Variants in PLPPR5 observed in about 807,000 individuals in gnomAD.
PLPPR5 encodes the protein phospholipid phosphatase related 5.
Under a neutral mutation model 33.9 loss-of-function variants are expected in PLPPR5, and 16 were observed. The ratio of observed to expected loss-of-function variants is 0.47; its 90% CI spans 0.32 to 0.72. The LOEUF is 0.72. Ranked by LOEUF, PLPPR5 falls within the 30% of genes least tolerant of loss-of-function variation. The probability of loss-of-function intolerance (pLI) is 0.03; values close to 1 mark genes in which losing one functional copy is unlikely to be tolerated. For missense variants in PLPPR5, 301 were observed against 406.7 expected (o/e 0.74, Z 2.23); for synonymous variants, 163 against 150.3 (o/e 1.08, Z -0.62).
At chr1:98,958,398 T>C (rs975380221) in intron 1 of PLPPR5, among the ~76,000 whole-genome samples, 8 of 151,068 alleles carry the variant, frequency 5.3e-5, no homozygotes, top group Admixed American at 2.0e-4. Context: ...TTCCTCTTTC[T>C]TTTTTTAACT....
chr1:98,958,667 T>C (rs937941272), intron 1 of PLPPR5, among the ~76,000 whole-genome samples: 2 of 152,212 alleles, frequency 1.3e-5, no homozygotes, highest in African/African-American at 4.8e-5. Context: ...GTAGATGAAC[T>C]GTGTGTTTGA....
intron 2 of PLPPR5, among the ~76,000 whole-genome samples, chr1:98,955,687 AT>A (rs1650979689): frequency 6.6e-6 from 1 of 152,106 alleles, no homozygotes; most frequent in South Asian, 2.1e-4. Flanking sequence ...TCTATGCATA[AT>A]ATCTTCAAAG....
chr1:98,931,225 G>A (rs910145150), intron 3 of PLPPR5, among the ~76,000 whole-genome samples: 1 of 152,086 alleles, frequency 6.6e-6, no homozygotes, highest in Non-Finnish European at 1.5e-5. Context: ...ATATGGGATA[G>A]GAATATCCTT....
chr1:98,971,663 G>A (rs1041087046), intron 1 of PLPPR5, among the ~76,000 whole-genome samples: 2 of 151,958 alleles, frequency 1.3e-5, no homozygotes, highest in Non-Finnish European at 2.9e-5. Context: ...CTAAAATATT[G>A]AGAGTCATCA....
rs149759837 is a variant in PLPPR5 at position 98,981,354 on chromosome 1, C to G, written c.237+23081G>C. Among the ~76,000 whole-genome samples, 600 of 152,166 alleles carry G rather than the reference C, an allele frequency of 3.9e-3. 3 individuals carry two copies. The highest frequency in any genetic ancestry group is 0.014 in the African/African-American group (569 of 41,526). The stretch of plus-strand genomic sequence containing the variant: ...ACCTAGCTACCTCTGTGCTATACAC[C>G]TTCCCAGTCTAGGCATTGTTGTAGT... On this transcript the variant is annotated intron_variant, in intron 1 of 5. Coordinates refer to ENST00000263177, the MANE Select transcript of PLPPR5 (RefSeq NM_001037317.2).
Position 98,956,712 on chromosome 1 carries a change from G to A in PLPPR5, c.267C>T (p.Cys89=), listed in dbSNP as rs1651023301. 2 of 1,574,174 alleles carry A rather than the reference G, an allele frequency of 1.3e-6. No homozygotes were observed. Among genetic ancestry groups the A allele is most frequent in the South Asian group, 1.2e-5 (1 of 82,732 alleles). ...CAAAATCCCTTGTGGCTAGTTGTAG[G>A]CAAAAGACAGCAGTTTCTCCAACTA... ...VIIVGETAVF[C]LQLATRDFEN... Residue 89 remains cysteine, a synonymous_variant, in exon 2 of 6, where the codon TGC becomes TGT. Transcript: ENST00000263177.
chr1:98,899,828 G>A (rs1218073395), intron 5 of PLPPR5, among the ~76,000 whole-genome samples: 3 of 151,688 alleles, frequency 2.0e-5, no homozygotes, highest in Non-Finnish European at 4.4e-5. Flanking sequence ...CCAGCTAATT[G>A]TTTGTTTCAC....
chr1:98,929,864 C>T (rs1320156948), intron 3 of PLPPR5, among the ~76,000 whole-genome samples: 2 of 152,158 alleles, frequency 1.3e-5, no homozygotes, highest in Non-Finnish European at 2.9e-5. Flanking sequence ...ACATATTCAC[C>T]ACTTAACATT....
intron 1 of PLPPR5, among the ~76,000 whole-genome samples, chr1:98,957,488 T>C (rs980584054): frequency 6.6e-6 from 1 of 152,024 alleles, no homozygotes; most frequent in African/African-American, 2.4e-5. Flanking sequence ...CCATGTTTTA[T>C]TTTTTTAAGT....
At chr1:98,996,665 C>A (rs1367635990) in intron 1 of PLPPR5, among the ~76,000 whole-genome samples, 1 of 152,086 alleles carries the variant, frequency 6.6e-6, no homozygotes, top group Non-Finnish European at 1.5e-5. Flanking sequence ...TCAGAACTTA[C>A]CTTCTCAACC....
chr1:98,914,309 G>A (rs964808501), intron 5 of PLPPR5, among the ~76,000 whole-genome samples: 3 of 152,000 alleles, frequency 2.0e-5, no homozygotes, highest in Admixed American at 6.6e-5. Context: ...TTTTTGATAC[G>A]GAGTCTCACT....
At chr1:98,896,844 A>T (rs1234736870) in intron 5 of PLPPR5, among the ~76,000 whole-genome samples, 6 of 103,270 alleles carry the variant, frequency 5.8e-5, no homozygotes, top group South Asian at 2.7e-4. Context: ...CTGTAATTTA[A>T]AAAAAAAATG....
At chr1:99,004,269 C>A in intron 1 of PLPPR5, 166 bp downstream of exon 1, 1 of 609,086 alleles carries the variant, frequency 1.6e-6, no homozygotes, top group East Asian at 3.1e-5. Context: ...CCTTCGCACC[C>A]ACCCTCACGC....
In PLPPR5 at chr1:98,986,073, G is replaced by C. The variant is rs192594057; in HGVS notation, c.237+18362C>G. On this transcript the variant is annotated intron_variant, in intron 1 of 5. Transcript: ENST00000263177. ...AAAGTTTACAAATGCACTTGTCACC[G>C]TTTCAAAAATATTTTTTCAGTAACT... 2.6e-5 allele frequency among the ~76,000 whole-genome samples: 4 copies of C among 151,984 alleles called. No individual in the cohort carries two copies. The East Asian group carries it at 7.8e-4, about 29-fold the overall frequency.
chr1:98,922,097 T>C (rs1271066946), intron 3 of PLPPR5, 39 bp from the exon 4 acceptor site: 1 of 1,569,970 alleles, frequency 6.4e-7, no homozygotes, highest in Admixed American at 1.7e-5. Context: ...TTCATGAAGG[T>C]ATTTCCTTTA....
At chr1:98,906,040 CTCTT>C (rs1370733512) in intron 5 of PLPPR5, among the ~76,000 whole-genome samples, 6 of 151,838 alleles carry the variant, frequency 4.0e-5, no homozygotes, top group African/African-American at 7.3e-5. Flanking sequence ...AGGTAAACAA[CTCTT>C]TCTGTCATTG....
intron 1 of PLPPR5, among the ~76,000 whole-genome samples, chr1:98,968,912 C>T (rs1651548581): frequency 2.0e-5 from 3 of 152,016 alleles, no homozygotes; most frequent in Admixed American, 6.6e-5. Context: ...TGGAGTTCAA[C>T]TTGACATTAT....
At position 99,001,583 on chromosome 1, in the gene PLPPR5, G is replaced by T. The variant is rs184839888; in HGVS notation, c.237+2852C>A. Among the ~76,000 whole-genome samples, 571 of 149,400 alleles carry T rather than the reference G, an allele frequency of 3.8e-3. 3 individuals carry two copies. Among genetic ancestry groups the T allele is most frequent in the African/African-American group, 0.013 (540 of 40,676 alleles). ...ATTTTTACATAAATGAATTTAGCAA[G>T]TATGAAACAAATCTGTAGACTGTGG... On this transcript the variant is annotated intron_variant, in intron 1 of 5. Transcript: ENST00000263177.
chr1:98,895,444 T>C (rs754577559), intron 5 of PLPPR5, among the ~76,000 whole-genome samples: 17 of 151,996 alleles, frequency 1.1e-4, no homozygotes, highest in Non-Finnish European at 2.2e-4. Context: ...TAAGAAACCT[T>C]AATAATGAGG....
Sources: allele counts gnomAD v4.1 joint callset (sites outside exome capture counted in the v4.1 genomes callset), GRCh38; gene constraint gnomAD v4.1.1; transcripts MANE v1.5; gene names NCBI Gene and HGNC (gene_info 2026-07-23, HGNC 2026-07-21).